Variants in AGBL4 observed in about 807,000 individuals in gnomAD.
The protein encoded by AGBL4 is cytosolic carboxypeptidase 6.
A neutral mutation model predicts 66.4 loss-of-function variants in AGBL4; 58 were observed. The ratio of observed to expected loss-of-function variants is 0.87; its 90% CI spans 0.71 to 1.09. The LOEUF (loss-of-function observed/expected upper bound fraction) is 1.09, where lower values mean the gene tolerates loss of function less well. Among genes scored for constraint, AGBL4 ranks in the 50% least tolerant of loss-of-function variants. The probability of loss-of-function intolerance (pLI) is 0.00; values close to 1 mark genes in which losing one functional copy is unlikely to be tolerated. For synonymous variants in AGBL4, 234 were observed against 222.9 expected (o/e 1.05, Z -0.44); for missense variants, 579 against 631.0 (o/e 0.92, Z 0.88).
intron 2 of AGBL4, among the ~76,000 whole-genome samples, chr1:49,814,499 G>C (rs1207840609): frequency 6.6e-6 from 1 of 152,132 alleles, no homozygotes; most frequent in Admixed American, 6.6e-5. Context: ...TGACCCAGGA[G>C]ACACTATATA....
intron 3 of AGBL4, among the ~76,000 whole-genome samples, chr1:49,334,164 T>TGGAAACTGAC (rs1645389116): frequency 6.6e-6 from 1 of 152,170 alleles, no homozygotes; most frequent in Non-Finnish European, 1.5e-5. Context: ...GCCTGTACAG[T>TGGAAACTGAC]AAGCATGGAA....
chr1:48,868,774 A>G (rs921211601), intron 5 of AGBL4, among the ~76,000 whole-genome samples: 5 of 152,138 alleles, frequency 3.3e-5, no homozygotes, highest in Non-Finnish European at 7.4e-5. Flanking sequence ...CAATTGTATA[A>G]ACTGCTTCTG....
At chr1:49,025,282 C>T (rs906585499) in intron 5 of AGBL4, among the ~76,000 whole-genome samples, 5 of 152,094 alleles carry the variant, frequency 3.3e-5, no homozygotes, top group African/African-American at 1.2e-4. Flanking sequence ...TAAACTTGTC[C>T]CACTAATTCG....
At chr1:48,600,134 T>C (rs1312370561) in intron 9 of AGBL4, among the ~76,000 whole-genome samples, 1 of 152,170 alleles carries the variant, frequency 6.6e-6, no homozygotes, top group Non-Finnish European at 1.5e-5. Context: ...AGCCTAGAAC[T>C]GCATCTGGTT....
downstream of AGBL4, among the ~76,000 whole-genome samples, chr1:48,530,369 G>A (rs1289585269): frequency 3.3e-5 from 5 of 152,122 alleles, no homozygotes; most frequent in Admixed American, 3.3e-4. Context: ...TGTATGAATC[G>A]ATGCTGCACA....
intron 4 of AGBL4, 86 bp downstream of exon 4, chr1:49,245,684 G>T (rs1319749241): frequency 1.1e-4 from 96 of 843,780 alleles, no homozygotes; most frequent in Non-Finnish European, 3.1e-5. Context: ...AATTTTTTTT[G>T]GGGGTCCATT....
intron 6 of AGBL4, among the ~76,000 whole-genome samples, chr1:48,739,952 C>T (rs1649654306): frequency 6.6e-6 from 1 of 152,210 alleles, no homozygotes; most frequent in Non-Finnish European, 1.5e-5. Flanking sequence ...CAGTCCTTCA[C>T]AGTACATGTC....
chr1:49,349,939 G>A (rs1645715423), intron 3 of AGBL4, among the ~76,000 whole-genome samples: 1 of 152,166 alleles, frequency 6.6e-6, no homozygotes, highest in African/African-American at 2.4e-5. Flanking sequence ...AGCCAGGGAG[G>A]AGGCCTCAGA....
chr1:49,445,875 AGAG>A (rs1646143657), intron 3 of AGBL4, among the ~76,000 whole-genome samples: 1 of 152,118 alleles, frequency 6.6e-6, no homozygotes, highest in African/African-American at 2.4e-5. Context: ...GTTTTGAGAT[AGAG>A]TCTCACTCTG....
chr1:49,598,543 C>G (rs187234171), intron 3 of AGBL4, among the ~76,000 whole-genome samples: 1 of 152,270 alleles, frequency 6.6e-6, no homozygotes, highest in East Asian at 1.9e-4. Flanking sequence ...TTTCGTGAAC[C>G]GCGAATGCTG....
chr1:49,580,799 C>T, intron 3 of AGBL4, among the ~76,000 whole-genome samples: 1 of 152,094 alleles, frequency 6.6e-6, no homozygotes, highest in Non-Finnish European at 1.5e-5. Context: ...AGAATTCATT[C>T]TTTCACTTTG....
In AGBL4 at chr1:48,534,057, A is replaced by C. The variant is rs975344380; in HGVS notation, c.*116T>G. On this transcript the variant is annotated 3_prime_UTR_variant, in exon 14 of 14. Transcript: ENST00000371839. ...TTTCTCATTGTATCCCTTCCCTTTCACTAGCCTATGCATTAATCCACAAAT... is the reference window on the plus strand; with the variant it reads ...TTTCTCATTGTATCCCTTCCCTTTCCCTAGCCTATGCATTAATCCACAAAT... The C allele has an allele frequency of 1.4e-6, 2 of 1,465,196 alleles. No homozygotes were observed. The highest frequency in any genetic ancestry group is 3.9e-5 in the Admixed American group (2 of 50,800). The allele number at this position is 1,465,196 out of a possible 1,614,324, so 90.8% of individuals were successfully genotyped here. A position where few individuals can be genotyped will look rare whatever the true frequency, so the allele number is the denominator to read the frequency against.
At chr1:49,243,472 C>G (rs890013240) in intron 4 of AGBL4, among the ~76,000 whole-genome samples, 1 of 151,566 alleles carries the variant, frequency 6.6e-6, no homozygotes, top group Admixed American at 6.6e-5. Flanking sequence ...GTAACTGACT[C>G]AAAGCATAAA....
At chr1:49,459,567 T>C (rs1646466533) in intron 3 of AGBL4, among the ~76,000 whole-genome samples, 1 of 151,704 alleles carries the variant, frequency 6.6e-6, no homozygotes, top group Non-Finnish European at 1.5e-5. Context: ...TCTTGGTTAA[T>C]CTTGCTAGGT....
intron 3 of AGBL4, among the ~76,000 whole-genome samples, chr1:49,277,235 G>A (rs946395442): frequency 5.3e-5 from 8 of 151,920 alleles, no homozygotes; most frequent in Admixed American, 2.0e-4. Flanking sequence ...CTATTTTAAT[G>A]TACCATTTGA....
intron 2 of AGBL4, among the ~76,000 whole-genome samples, chr1:49,765,435 A>G (rs1652663723): frequency 3.9e-5 from 6 of 152,148 alleles, no homozygotes; most frequent in Admixed American, 3.9e-4. Flanking sequence ...ATATACACAT[A>G]TGCAGAAAGT....
At chr1:48,788,034 G>A (rs979366129) in intron 6 of AGBL4, among the ~76,000 whole-genome samples, 9 of 152,214 alleles carry the variant, frequency 5.9e-5, no homozygotes, top group African/African-American at 1.9e-4. Flanking sequence ...AGTGAAAAGT[G>A]CACAGGCTTT....
At chr1:49,593,543 T>C (rs561509135) in intron 3 of AGBL4, among the ~76,000 whole-genome samples, 3 of 152,370 alleles carry the variant, frequency 2.0e-5, no homozygotes, top group African/African-American at 7.2e-5. Flanking sequence ...AATTATCATC[T>C]TAAAAATAAG....
intron 2 of AGBL4, among the ~76,000 whole-genome samples, chr1:49,732,748 A>G (rs1649552052): frequency 6.6e-6 from 1 of 152,122 alleles, no homozygotes; most frequent in African/African-American, 2.4e-5. Context: ...TTGAAGAAAA[A>G]TGAACTAAGC....
Sources: allele counts gnomAD v4.1 joint callset (sites outside exome capture counted in the v4.1 genomes callset), GRCh38; gene constraint gnomAD v4.1.1; transcripts MANE v1.5; gene names NCBI Gene and HGNC (gene_info 2026-07-23, HGNC 2026-07-21).